Variants in NRXN3 observed in about 807,000 individuals in gnomAD.
The protein encoded by NRXN3 is neurexin 3, also known as neurexin III.
A neutral mutation model predicts 137.6 loss-of-function variants in NRXN3; 32 were observed. The ratio of observed to expected loss-of-function variants is 0.23; its 90% CI spans 0.18 to 0.31. The LOEUF is 0.31. Among genes scored for constraint, NRXN3 ranks in the 10% least tolerant of loss-of-function variants. The pLI is 1.00. For synonymous variants in NRXN3, 798 were observed against 784.5 expected, an observed-to-expected ratio of 1.02 and a Z score of -0.29; for missense variants, 1,574 against 2,062.5, an observed-to-expected ratio of 0.76 and a Z score of 4.59.
chr14:78,525,842 A>AG lies in NRXN3; in HGVS notation c.758-119278_758-119277insG, dbSNP rs558600605. On this transcript the variant is annotated intron_variant, in intron 4 of 20. Transcript: ENST00000335750. ...GCTCCTCATTAGCAGTGTGACCTTA[A>AG]TTTTTTAATTTCTCTAGGTCCTGGG... 2.0e-5 allele frequency among the ~76,000 whole-genome samples: 3 copies of AG among 152,148 alleles called. No individual in the cohort carries two copies. The South Asian group carries it at 6.2e-4, about 32-fold the overall frequency.
intron 6 of NRXN3, 113 bp downstream of exon 6, chr14:78,651,439 G>T: frequency 6.7e-6 from 8 of 1,200,624 alleles, no homozygotes; most frequent in Non-Finnish European, 8.1e-6. Context: ...ATGATAGATT[G>T]CAGCAGAAAC....
intron 16 of NRXN3, among the ~76,000 whole-genome samples, chr14:79,510,520 C>G (rs987884100): frequency 2.0e-5 from 3 of 152,102 alleles, no homozygotes; most frequent in African/African-American, 7.2e-5. Context: ...GTGTTCTTTA[C>G]GTTAACTGAG....
chr14:79,843,037 T>C (rs753782591), intron 20 of NRXN3, among the ~76,000 whole-genome samples: 1 of 152,238 alleles, frequency 6.6e-6, no homozygotes, highest in Non-Finnish European at 1.5e-5. Flanking sequence ...CTGCAAGTTA[T>C]GTATATTGTA....
intron 10 of NRXN3, among the ~76,000 whole-genome samples, chr14:78,834,158 C>G (rs2098989840): frequency 6.6e-6 from 1 of 151,920 alleles, no homozygotes; most frequent in South Asian, 2.1e-4. Flanking sequence ...TCTTGCTGGC[C>G]AAGGTAAGGA....
intron 15 of NRXN3, among the ~76,000 whole-genome samples, chr14:79,445,965 G>A (rs2096057617): frequency 6.6e-6 from 1 of 151,972 alleles, no homozygotes; most frequent in African/African-American, 2.4e-5. Flanking sequence ...CTATTTTTAG[G>A]GGCAGGCCTC....
intron 15 of NRXN3, among the ~76,000 whole-genome samples, chr14:79,327,634 C>T (rs1237879315): frequency 6.6e-6 from 1 of 152,200 alleles, no homozygotes; most frequent in African/African-American, 2.4e-5. Flanking sequence ...ATCTGTGTCC[C>T]ATGAAGTCTA....
At position 79,416,079 on chromosome 14, in the gene NRXN3, A is replaced by G. The variant is rs116516344; in HGVS notation, c.3263-51142A>G. Among the ~76,000 whole-genome samples the G allele has an allele frequency of 2.0e-3, 298 of 152,260 alleles. 1 individual carries two copies. Among genetic ancestry groups the G allele is most frequent in the African/African-American group, 6.8e-3 (282 of 41,568 alleles). ...AGTGTGCCTGGGTTTTAGACCCAAG[A>G]TTAAATCTGAAGCGAAACCAAATGT... On this transcript the variant is annotated intron_variant, in intron 15 of 20. Transcript: ENST00000335750.
At chr14:79,564,591 A>T (rs2097530500) in intron 16 of NRXN3, among the ~76,000 whole-genome samples, 1 of 152,184 alleles carries the variant, frequency 6.6e-6, no homozygotes, top group South Asian at 2.1e-4. Context: ...GTACTCACAA[A>T]GACAAATTGT....
chr14:79,854,968 A>G (rs2099399476), intron 20 of NRXN3, among the ~76,000 whole-genome samples: 1 of 152,162 alleles, frequency 6.6e-6, no homozygotes, highest in East Asian at 1.9e-4. Context: ...GTATGGAACT[A>G]ACAACTGGCA....
intron 17 of NRXN3, among the ~76,000 whole-genome samples, chr14:79,670,817 AC>A (rs2153998056): frequency 6.6e-6 from 1 of 152,194 alleles, no homozygotes; most frequent in Non-Finnish European, 1.5e-5. Flanking sequence ...ATTATCTACC[AC>A]CCGTATACAT....
chr14:79,270,471 A>G (rs1339916607), intron 15 of NRXN3, among the ~76,000 whole-genome samples: 6 of 152,104 alleles, frequency 3.9e-5, no homozygotes, highest in Non-Finnish European at 8.8e-5. Context: ...GAGTTTTCGG[A>G]GGCTAGGTAA....
chr14:79,500,333 C>T (rs1292551338), intron 16 of NRXN3, among the ~76,000 whole-genome samples: 1 of 151,662 alleles, frequency 6.6e-6, no homozygotes, highest in East Asian at 1.9e-4. Flanking sequence ...GACACTGAGC[C>T]TCTGGTAATC....
chr14:79,459,714 A>G (rs1411322606), intron 15 of NRXN3, among the ~76,000 whole-genome samples: 2 of 152,014 alleles, frequency 1.3e-5, no homozygotes, highest in Non-Finnish European at 2.9e-5. Context: ...TATAATAAAT[A>G]ATATATACAC....
chr14:78,588,234 A>G (rs1481610948), intron 4 of NRXN3, among the ~76,000 whole-genome samples: 1 of 152,188 alleles, frequency 6.6e-6, no homozygotes, highest in Non-Finnish European at 1.5e-5. Flanking sequence ...GAATAAATGA[A>G]AAGTTTTTGT....
chr14:78,872,747 G>T (rs1429243406), intron 10 of NRXN3, among the ~76,000 whole-genome samples: 2 of 151,982 alleles, frequency 1.3e-5, no homozygotes, highest in Non-Finnish European at 2.9e-5. Flanking sequence ...TAGTAATTCA[G>T]TTTCTGAAGT....
In NRXN3 at chr14:79,207,349, A is replaced by G. The variant is rs560848161; in HGVS notation, c.3262+219208A>G. On this transcript the variant is annotated intron_variant, in intron 15 of 20. Transcript: ENST00000335750. ...AACATGACACTTCTCTTCGAAAAAC[A>G]CTAGCTTCAATTGTAGAGAAAACCA... Among the ~76,000 whole-genome samples the G allele has an allele frequency of 1.3e-4, 20 of 152,314 alleles. 1 individual carries two copies. The South Asian group carries it at 3.7e-3, about 28-fold the overall frequency.
chr14:79,071,327 G>T (rs1200784846), intron 15 of NRXN3, among the ~76,000 whole-genome samples: 1 of 152,000 alleles, frequency 6.6e-6, no homozygotes, highest in African/African-American at 2.4e-5. Flanking sequence ...GTGGTTTGCT[G>T]CACTCATGAA....
intron 19 of NRXN3, among the ~76,000 whole-genome samples, chr14:79,753,735 T>A (rs1016660775): frequency 1.8e-4 from 27 of 149,712 alleles, no homozygotes; most frequent in African/African-American, 5.6e-4. Flanking sequence ...ATAATAATAA[T>A]AAAAAGAAAT....
At chr14:79,235,156 T>A (rs2073152658) in intron 15 of NRXN3, among the ~76,000 whole-genome samples, 1 of 152,082 alleles carries the variant, frequency 6.6e-6, no homozygotes, top group African/African-American at 2.4e-5. Context: ...TCAATTCATA[T>A]CCAACTTTTC....
Sources: gnomAD v4.1 joint callset for allele counts (sites outside exome capture counted in the v4.1 genomes callset) on GRCh38, gnomAD v4.1.1 for gene constraint, MANE v1.5 for transcripts, NCBI Gene and HGNC (gene_info 2026-07-23, HGNC 2026-07-21) for gene names.